Variants in PCDH9 observed in about 807,000 individuals in gnomAD.
The protein encoded by PCDH9 is protocadherin 9, also known as protocadherin-9.
A neutral mutation model predicts 70.6 loss-of-function variants in PCDH9; 24 were observed. That is an observed-to-expected ratio of 0.34 (90% confidence interval 0.25 to 0.48). The LOEUF (loss-of-function observed/expected upper bound fraction) is 0.48. PCDH9 is among the 20% of genes least tolerant of loss of function. The pLI is 0.99. For synonymous variants in PCDH9, 562 were observed against 558.5 expected (o/e 1.01, Z -0.09); for missense variants, 1,281 against 1,503.6 (o/e 0.85, Z 2.45).
intron 3 of PCDH9, among the ~76,000 whole-genome samples, chr13:66,868,597 G>A (rs558697813): frequency 7.9e-5 from 12 of 152,170 alleles, no homozygotes; most frequent in African/African-American, 2.6e-4. Flanking sequence ...GTCATCATGT[G>A]AAGAAAGAAC....
intron 4 of PCDH9, among the ~76,000 whole-genome samples, chr13:66,545,134 AT>A (rs559271281): frequency 2.4e-3 from 364 of 152,260 alleles, no homozygotes; most frequent in African/African-American, 8.4e-3. Flanking sequence ...AAAACAAGGT[AT>A]TTTTAATTTC....
chr13:66,874,281 A>G (rs565967750), intron 3 of PCDH9, among the ~76,000 whole-genome samples: 47 of 152,088 alleles, frequency 3.1e-4, no homozygotes, highest in Non-Finnish European at 5.6e-4. Context: ...TCATTTTTTC[A>G]GCTTTACTGA....
At chr13:66,402,301 C>T (rs1346635616) in intron 4 of PCDH9, among the ~76,000 whole-genome samples, 1 of 151,956 alleles carries the variant, frequency 6.6e-6, no homozygotes, top group East Asian at 1.9e-4. Context: ...TGGCAGAGTT[C>T]CTGTTAAGTA....
At chr13:67,113,617 G>C (rs1177435613) in intron 2 of PCDH9, among the ~76,000 whole-genome samples, 2 of 151,384 alleles carry the variant, frequency 1.3e-5, no homozygotes, top group African/African-American at 2.4e-5. Context: ...GCGCCATCTC[G>C]GCTCACTGCA....
intron 2 of PCDH9, among the ~76,000 whole-genome samples, chr13:67,168,451 C>T (rs1927817): frequency 0.94 from 143,494 of 152,214 alleles, 67,858 homozygotes; most frequent in Non-Finnish European, 0.98. Context: ...GGTCAAGCCA[C>T]GCACAGTGGC....
chr13:67,214,132 G>C (rs1213437618), intron 2 of PCDH9: 1 of 152,076 alleles, frequency 6.6e-6, no homozygotes. Flanking sequence ...ATGTTATTAT[G>C]TCACTCACAT....
intron 4 of PCDH9, among the ~76,000 whole-genome samples, chr13:66,356,268 C>A (rs577280751): frequency 2.0e-5 from 3 of 152,214 alleles, no homozygotes; most frequent in African/African-American, 7.2e-5. Context: ...TAAGCTTTTG[C>A]AGAATCCCTG....
chr13:66,688,047 G>C (rs1249330664), intron 3 of PCDH9, among the ~76,000 whole-genome samples: 1 of 151,992 alleles, frequency 6.6e-6, no homozygotes, highest in Non-Finnish European at 1.5e-5. Context: ...CAAATCGCAA[G>C]CCTCTTCCAA....
At chr13:66,787,891 C>T (rs937694639) in intron 3 of PCDH9, among the ~76,000 whole-genome samples, 5 of 152,094 alleles carry the variant, frequency 3.3e-5, no homozygotes, top group Non-Finnish European at 7.3e-5. Flanking sequence ...AATTAATCCA[C>T]TTATTAAAAG....
At chr13:66,805,211 T>C (rs2080391676) in intron 3 of PCDH9, among the ~76,000 whole-genome samples, 1 of 152,218 alleles carries the variant, frequency 6.6e-6, no homozygotes. Flanking sequence ...AATTTTGCAG[T>C]GTTTCCTAAA....
chr13:66,806,742 T>C (rs2080416762), intron 3 of PCDH9, among the ~76,000 whole-genome samples: 1 of 152,210 alleles, frequency 6.6e-6, no homozygotes, highest in Non-Finnish European at 1.5e-5. Flanking sequence ...TACTGTGCTG[T>C]AGTTAATGAG....
chr13:66,419,682 G>T (rs1179099366), intron 4 of PCDH9, among the ~76,000 whole-genome samples: 1 of 151,866 alleles, frequency 6.6e-6, no homozygotes, highest in African/African-American at 2.4e-5. Flanking sequence ...TCCCTCCGGT[G>T]CCTACATCAC....
chr13:66,505,193 T>A (rs1255930654), intron 4 of PCDH9, among the ~76,000 whole-genome samples: 1 of 152,208 alleles, frequency 6.6e-6, no homozygotes, highest in Non-Finnish European at 1.5e-5. Context: ...TTTTTAAAAA[T>A]ATTTTAAGAG....
intron 2 of PCDH9, among the ~76,000 whole-genome samples, chr13:67,198,135 A>G (rs1018151711): frequency 4.6e-5 from 7 of 151,712 alleles, no homozygotes; most frequent in African/African-American, 1.7e-4. Flanking sequence ...AGATTTTTTT[A>G]AACAAAAGCA....
At chr13:67,145,704 A>C (rs185222363) in intron 2 of PCDH9, among the ~76,000 whole-genome samples, 1 of 152,080 alleles carries the variant, frequency 6.6e-6, no homozygotes, top group East Asian at 1.9e-4. Context: ...TAAGAGAGGC[A>C]TTAATGCAAA....
At chr13:67,224,809 A>C in intron 2 of PCDH9, 3 of 890,850 alleles carry the variant, frequency 3.4e-6, no homozygotes, top group Non-Finnish European at 4.0e-6. Context: ...AATTTAATAT[A>C]TTACAATAAA....
intron 2 of PCDH9, among the ~76,000 whole-genome samples, chr13:67,019,264 G>C (rs920343139): frequency 8.3e-5 from 12 of 144,704 alleles, no homozygotes; most frequent in Admixed American, 2.9e-4. Context: ...TAGGATCTCG[G>C]CTCACTGCAA....
At chr13:66,419,443 A>C (rs1302355729) in intron 4 of PCDH9, among the ~76,000 whole-genome samples, 2 of 151,612 alleles carry the variant, frequency 1.3e-5, no homozygotes, top group African/African-American at 4.8e-5. Context: ...CTGCATTTCC[A>C]ACTGAGGTAC....
At chr13:67,224,317 A>G (rs1054093286) in intron 2 of PCDH9, 6 of 152,214 alleles carry the variant, frequency 3.9e-5, no homozygotes, top group African/African-American at 4.8e-5. Context: ...CAGAGCAACT[A>G]TCATTAAATA....
Sources: gnomAD v4.1 joint callset for allele counts (sites outside exome capture counted in the v4.1 genomes callset) on GRCh38, gnomAD v4.1.1 for gene constraint, MANE v1.5 for transcripts, NCBI Gene and HGNC (gene_info 2026-07-23, HGNC 2026-07-21) for gene names.